Variants in MSI2 observed in about 807,000 individuals in gnomAD.
The protein encoded by MSI2 is musashi RNA binding protein 2, also known as RNA-binding protein Musashi homolog 2.
In MSI2, 17 loss-of-function variants were observed where a neutral mutation model predicts 45.6. That is an observed-to-expected ratio of 0.37 (90% CI 0.26 to 0.56). The LOEUF is 0.56. Among genes scored for constraint, MSI2 ranks in the 20% least tolerant of loss-of-function variants. MSI2 has a pLI of 0.77. For synonymous variants in MSI2, 156 were observed against 158.2 expected, an observed-to-expected ratio of 0.99 and a Z score of 0.11; for missense variants, 293 against 444.2, an observed-to-expected ratio of 0.66 and a Z score of 3.06.
rs868237571 is a variant in MSI2 at position 57,474,385 on chromosome 17, A to G, written c.406-55291A>G. ...CAGAGCTGTTCAACTCATGCAGACC[A>G]GGCTCCAAGCCAGGGCTCCTCCACC... On this transcript the variant is annotated intron_variant, in intron 6 of 13. Transcript: ENST00000284073. 7.2e-5 allele frequency among the ~76,000 whole-genome samples: 11 copies of G among 152,310 alleles called. No individual in the cohort carries two copies. In the South Asian group the frequency reaches 1.5e-3, roughly 20 times the overall value.
At chr17:57,503,838 A>G (rs1435625545) in intron 6 of MSI2, among the ~76,000 whole-genome samples, 1 of 152,148 alleles carries the variant, frequency 6.6e-6, no homozygotes, top group Non-Finnish European at 1.5e-5. Flanking sequence ...TCCGCCTCCC[A>G]GGTTCAAGCG....
At chr17:57,476,113 G>A (rs944497133) in intron 6 of MSI2, among the ~76,000 whole-genome samples, 1 of 152,154 alleles carries the variant, frequency 6.6e-6, no homozygotes, top group African/African-American at 2.4e-5. Flanking sequence ...CAGTTTAGCC[G>A]GCATCTTGTA....
At chr17:57,512,156 T>C (rs2086369660) in intron 6 of MSI2, among the ~76,000 whole-genome samples, 1 of 152,228 alleles carries the variant, frequency 6.6e-6, no homozygotes, top group Admixed American at 6.5e-5. Flanking sequence ...AGAGCACTTA[T>C]CACGTATCCT....
At chr17:57,654,616 C>G (rs559849520) in intron 11 of MSI2, among the ~76,000 whole-genome samples, 5 of 152,316 alleles carry the variant, frequency 3.3e-5, no homozygotes, top group African/African-American at 1.2e-4. Flanking sequence ...CCTTCCCCAG[C>G]TCCTGAAGCC....
chr17:57,378,483 C>T (rs980227741), intron 5 of MSI2, among the ~76,000 whole-genome samples: 11 of 151,982 alleles, frequency 7.2e-5, no homozygotes, highest in Non-Finnish European at 1.0e-4. Context: ...AGGCTGGTGT[C>T]GATCTCCTGA....
At position 57,280,129 on chromosome 17, in the gene MSI2, G is replaced by A. The variant is rs1399358139; in HGVS notation, c.312+17937G>A. 1 of 152,228 alleles carries A rather than the reference G, an allele frequency of 6.6e-6. No homozygotes were observed. The highest frequency in any genetic ancestry group is 2.4e-5 in the African/African-American group (1 of 41,408). 9.4% of individuals were successfully genotyped at this position (152,228 alleles called of 1,614,324 possible). A position where few individuals can be genotyped will look rare whatever the true frequency, so the allele number is the denominator to read the frequency against. ...TAGCAGGGTGCATTTCATGTGCTGA[G>A]GGAAGAGAGGGTGGCTGGAATGCAG... On this transcript the variant is annotated intron_variant, in intron 5 of 13. Transcript: ENST00000284073. The surrounding 1 kb of genome is among the most constrained non-coding windows in gnomAD (Gnocchi z 4.2).
intron 7 of MSI2, among the ~76,000 whole-genome samples, chr17:57,549,500 C>A (rs1239153593): frequency 6.6e-6 from 1 of 152,128 alleles, no homozygotes; most frequent in Non-Finnish European, 1.5e-5. Flanking sequence ...TCTACCTCAC[C>A]TTCACCCTAT....
At chr17:57,488,598 G>A (rs959079986) in intron 6 of MSI2, among the ~76,000 whole-genome samples, 8 of 152,098 alleles carry the variant, frequency 5.3e-5, no homozygotes, top group Admixed American at 1.3e-4. Flanking sequence ...CAAGGTGGGC[G>A]TATCACCTGC....
At chr17:57,585,691 G>A (rs1205562035) in intron 7 of MSI2, among the ~76,000 whole-genome samples, 1 of 152,178 alleles carries the variant, frequency 6.6e-6, no homozygotes, top group African/African-American at 2.4e-5. Flanking sequence ...GAGTAGCTGG[G>A]GGTACCAACC....
chr17:57,597,660 G>A (rs1008783147), intron 8 of MSI2, among the ~76,000 whole-genome samples: 3 of 152,010 alleles, frequency 2.0e-5, no homozygotes, highest in African/African-American at 7.3e-5. Context: ...TGTAAAAGCC[G>A]TTCTCAATTC....
chr17:57,682,437 G>A lies in MSI2; in HGVS notation c.*2920G>A. On this transcript the variant is annotated 3_prime_UTR_variant, in exon 14 of 14. Transcript: ENST00000284073. ...AGAGGGAGGCATGGTATATTAAAAT[G>A]ATTTTACTAAGAGAAAAAATATTTT... is the stretch of plus-strand genomic sequence containing the variant. 1 of 181,108 alleles carries A rather than the reference G, an allele frequency of 5.5e-6. No individual in the cohort carries two copies. The highest frequency in any genetic ancestry group is 1.2e-5 in the Non-Finnish European group (1 of 86,800). The allele number at this position is 181,108 out of a possible 1,614,324, so 11.2% of individuals were successfully genotyped here.
At chr17:57,646,832 C>T (rs1910702043) in intron 10 of MSI2, among the ~76,000 whole-genome samples, 4 of 122,552 alleles carry the variant, frequency 3.3e-5, no homozygotes, top group African/African-American at 1.4e-4. Flanking sequence ...CAGACATCCT[C>T]GTTTTGAATA....
intron 12 of MSI2, among the ~76,000 whole-genome samples, chr17:57,675,668 G>A (rs914386409): frequency 4.6e-5 from 7 of 152,190 alleles, no homozygotes; most frequent in Non-Finnish European, 8.8e-5. Flanking sequence ...CAGCGCTGGA[G>A]CCCGGGAGGT....
chr17:57,596,751 C>T lies in MSI2; in HGVS notation c.455-117C>T. 1 of 702,544 alleles carries T rather than the reference C, an allele frequency of 1.4e-6. No individual in the cohort carries two copies. Among genetic ancestry groups the T allele is most frequent in the South Asian group, 1.6e-5 (1 of 63,004 alleles). The allele number at this position is 702,544 out of a possible 1,614,324, so 43.5% of individuals were successfully genotyped here. On this transcript the variant is annotated intron_variant, in intron 7 of 13. Coordinates refer to ENST00000284073, the MANE Select transcript of MSI2 (RefSeq NM_138962.4). This position sits in a 1 kb window ranked among gnomAD's most constrained non-coding sequence, Gnocchi z 4.6. Reference sequence around the variant, plus strand: ...CAAGGTCCTCCCAAGGATCCGCCTACCTACCCCCAGACCAGGAGGCTGTCA... The same window carrying T: ...CAAGGTCCTCCCAAGGATCCGCCTATCTACCCCCAGACCAGGAGGCTGTCA...
intron 6 of MSI2, among the ~76,000 whole-genome samples, chr17:57,474,797 C>A (rs1386477084): frequency 6.6e-6 from 1 of 152,194 alleles, no homozygotes; most frequent in African/African-American, 2.4e-5. Context: ...CAGCTCATTG[C>A]AACCTCCACC....
chr17:57,362,778 G>A (rs116638732), intron 5 of MSI2, among the ~76,000 whole-genome samples: 2,462 of 151,996 alleles, frequency 0.016, 63 homozygotes, highest in African/African-American at 0.056. Flanking sequence ...GCTTGTCTTT[G>A]TATAATGCTA....
intron 10 of MSI2, among the ~76,000 whole-genome samples, chr17:57,637,806 A>G (rs1459572165): frequency 2.0e-5 from 3 of 152,194 alleles, no homozygotes; most frequent in Non-Finnish European, 2.9e-5. Context: ...CCCGCCAGCT[A>G]TGGCAGGATG....
chr17:57,677,691 A>G (rs1913331697), intron 13 of MSI2, among the ~76,000 whole-genome samples: 1 of 152,274 alleles, frequency 6.6e-6, no homozygotes, highest in East Asian at 1.9e-4. Flanking sequence ...TCACCTGTGT[A>G]ACATGGATTT....
At chr17:57,640,829 A>G (rs1408617022) in intron 10 of MSI2, among the ~76,000 whole-genome samples, 1 of 152,242 alleles carries the variant, frequency 6.6e-6, no homozygotes, top group Admixed American at 6.5e-5. Flanking sequence ...CTCTGTGGCC[A>G]TGAAAAGTGC....
Sources: allele counts gnomAD v4.1 joint callset (sites outside exome capture counted in the v4.1 genomes callset), GRCh38; gene constraint gnomAD v4.1.1; non-coding constraint Gnocchi (gnomAD v3.1); transcripts MANE v1.5; gene names NCBI Gene and HGNC (gene_info 2026-07-23, HGNC 2026-07-21).